Variants in RBM26 observed in about 807,000 individuals in gnomAD.
RBM26 encodes the protein RNA-binding protein 26.
A neutral mutation model predicts 123.6 loss-of-function variants in RBM26; 30 were observed. The observed-to-expected ratio is 0.24, with a 90% confidence interval of 0.18 to 0.33. RBM26 has a LOEUF of 0.33. RBM26 is among the 10% of genes least tolerant of loss of function. The probability of loss-of-function intolerance (pLI) is 1.00; values close to 1 mark genes in which losing one functional copy is unlikely to be tolerated. For missense variants in RBM26, 947 were observed against 1,203.6 expected, an observed-to-expected ratio of 0.79 and a Z score of 3.15; for synonymous variants, 400 against 404.4, an observed-to-expected ratio of 0.99 and a Z score of 0.13.
chr13:79,385,678 T>C (rs2077420457), intron 1 of RBM26, among the ~76,000 whole-genome samples: 1 of 152,212 alleles, frequency 6.6e-6, no homozygotes, highest in African/African-American at 2.4e-5. Context: ...AAATTTAGTT[T>C]AGTTTGATAT....
chr13:79,357,011 C>T (rs1198556751), intron 11 of RBM26, among the ~76,000 whole-genome samples: 1 of 150,090 alleles, frequency 6.7e-6, no homozygotes, highest in East Asian at 2.0e-4. Context: ...TAAATAACCA[C>T]AGGGTAATGT....
chr13:79,328,854 T>TGAA (rs1265686185), intron 20 of RBM26, among the ~76,000 whole-genome samples: 2 of 151,884 alleles, frequency 1.3e-5, no homozygotes, highest in African/African-American at 4.8e-5. Flanking sequence ...AATGAGTTTC[T>TGAA]ATTTCAGTTT....
chr13:79,366,699 G>A lies in RBM26; in HGVS notation c.1069C>T (p.Pro357Ser), dbSNP rs2075302296. ...GGTACTGGGGGCCTGAGATTCACAG[G>A]TGGGGGTGTAAGAATTGGTGGAGGT... The part of the protein sequence containing the change: ...PPPPPILTPP[P>S]VNLRPPVPPP... The change falls in exon 7 of 22, where the codon CCT (proline) becomes TCT (serine). Residue 357 changes from proline to serine, a missense_variant. Coordinates refer to ENST00000438737, the MANE Select transcript of RBM26 (RefSeq NM_001366735.2). 3.1e-6 allele frequency: 5 copies of A among 1,608,830 alleles called. No individual in the cohort carries two copies. Among genetic ancestry groups the A allele is most frequent in the South Asian group, 1.1e-5 (1 of 90,460 alleles).
chr13:79,345,695 C>A (rs958867965), intron 14 of RBM26, among the ~76,000 whole-genome samples: 2 of 152,022 alleles, frequency 1.3e-5, no homozygotes, highest in East Asian at 1.9e-4. Context: ...AAATGCATTC[C>A]AAGAGGGCAG....
intron 5 of RBM26, 126 bp downstream of exon 5, chr13:79,370,819 T>G (rs982496184): frequency 1.9e-6 from 2 of 1,030,932 alleles, no homozygotes; most frequent in Non-Finnish European, 2.8e-6. Flanking sequence ...AAAAGCATTC[T>G]CTTGGACCAC....
downstream of RBM26, chr13:79,314,205 C>T (rs1419866448): frequency 6.6e-6 from 1 of 151,654 alleles, no homozygotes; most frequent in African/African-American, 2.4e-5. Flanking sequence ...CTAGTCTTTA[C>T]CAATGTTAGG....
At chr13:79,348,119 C>A (rs923778554) in intron 14 of RBM26, among the ~76,000 whole-genome samples, 1 of 152,004 alleles carries the variant, frequency 6.6e-6, no homozygotes, top group Non-Finnish European at 1.5e-5. Flanking sequence ...TACTACCTGG[C>A]CATGAATGAT....
intron 1 of RBM26, among the ~76,000 whole-genome samples, chr13:79,380,383 A>G (rs905362005): frequency 2.6e-5 from 4 of 152,056 alleles, no homozygotes; most frequent in African/African-American, 7.2e-5. Flanking sequence ...GTTGGGGGAG[A>G]AGAGAGAAAT....
At chr13:79,314,826 C>T, downstream of RBM26, 1 of 406,542 alleles carries the variant, frequency 2.5e-6, no homozygotes. Flanking sequence ...TCTTAGAGAA[C>T]TGTAGAGATA....
At chr13:79,380,625 T>C (rs2140256828) in intron 1 of RBM26, among the ~76,000 whole-genome samples, 1 of 152,224 alleles carries the variant, frequency 6.6e-6, no homozygotes, top group Non-Finnish European at 1.5e-5. Context: ...ATTTATTTCT[T>C]TGTGTTGGGA....
intron 20 of RBM26, among the ~76,000 whole-genome samples, chr13:79,330,757 A>G (rs1379479604): frequency 6.6e-6 from 1 of 152,198 alleles, no homozygotes; most frequent in Non-Finnish European, 1.5e-5. Flanking sequence ...TTTTAAAAAC[A>G]TGCAAAATCT....
Position 79,371,903 on chromosome 13 carries a change from T to A in RBM26, c.355A>T (p.Lys119Ter), listed in dbSNP as rs779294556. ...CTGTGATTTAGCCTTCTAGAAAACT[T>A]CTTCTCTCGCTCTTCCTCCTTAGTG... ...EITKEEEREK[K>*]FSRRLNHSPP... Residue 119 changes from lysine to a stop codon, truncating the protein, a stop_gained, in exon 4 of 22, where the codon AAG (lysine) becomes TAG (stop). Coordinates refer to ENST00000438737, the MANE Select transcript of RBM26 (RefSeq NM_001366735.2). LOFTEE classifies it high-confidence loss of function. 2.1e-5 allele frequency: 34 copies of A among 1,611,974 alleles called. 1 individual carries two copies. The highest frequency in any genetic ancestry group is 3.3e-5 in the South Asian group (3 of 91,020).
At chr13:79,397,599 G>A (rs1330752591) in intron 1 of RBM26, among the ~76,000 whole-genome samples, 1 of 144,388 alleles carries the variant, frequency 6.9e-6, no homozygotes, top group Admixed American at 7.0e-5. Flanking sequence ...GGAGAATCGC[G>A]TGAACCCGGG....
chr13:79,336,970 A>G (rs1483233486), intron 19 of RBM26, 132 bp downstream of exon 19: 1 of 831,306 alleles, frequency 1.2e-6, no homozygotes, highest in African/African-American at 1.7e-5. Flanking sequence ...CAAAAAAATT[A>G]AAGATTAAAC....
At position 79,400,522 on chromosome 13, in the gene RBM26, A is replaced by G. The variant is rs570608370; in HGVS notation, c.71+5182T>C. ...CACCTCTTAATACTTAACGAAATTA[A>G]ATTTCAACATGAATTCTGGAGAAGA... On this transcript the variant is annotated intron_variant, in intron 1 of 21. Coordinates refer to ENST00000438737, the MANE Select transcript of RBM26 (RefSeq NM_001366735.2). Among the ~76,000 whole-genome samples, 77 of 152,250 alleles carry G rather than the reference A, an allele frequency of 5.1e-4. 1 individual carries two copies. The highest frequency in any genetic ancestry group is 4.3e-4 in the Non-Finnish European group (29 of 68,050).
intron 2 of RBM26, among the ~76,000 whole-genome samples, 169 bp from the exon 3 acceptor site, chr13:79,377,684 T>A (rs1184662785): frequency 2.0e-5 from 3 of 152,126 alleles, no homozygotes; most frequent in Admixed American, 6.6e-5. Context: ...CCCAGCACTT[T>A]GGGAGGCCAA....
downstream of RBM26, among the ~76,000 whole-genome samples, chr13:79,316,120 T>G (rs924815724): frequency 6.6e-6 from 1 of 151,322 alleles, no homozygotes; most frequent in African/African-American, 2.4e-5. Context: ...GACCAAAAAG[T>G]TAACTAAGCC....
At chr13:79,329,756 T>C (rs2069007964) in intron 20 of RBM26, among the ~76,000 whole-genome samples, 1 of 152,178 alleles carries the variant, frequency 6.6e-6, no homozygotes, top group Admixed American at 6.5e-5. Flanking sequence ...TCCTTATTTT[T>C]AAAAAGTAAA....
At position 79,406,059 on chromosome 13, in the gene RBM26, T is replaced by G; in HGVS notation, c.-285A>C. 7 of 231,992 alleles carry G rather than the reference T, an allele frequency of 3.0e-5. No individual in the cohort carries two copies. Among genetic ancestry groups the G allele is most frequent in the Non-Finnish European group, 3.3e-5 (4 of 122,796 alleles). 14.4% of individuals were successfully genotyped at this position (231,992 alleles called of 1,614,324 possible). On this transcript the variant is annotated 5_prime_UTR_variant, in exon 1 of 22. Transcript: ENST00000438737. ...CCCCTTCCCTCTTCCCCAGCAAATCTACCCAGACCGGAAGCGCGACACGCG... is the reference window on the plus strand; with the variant it reads ...CCCCTTCCCTCTTCCCCAGCAAATCGACCCAGACCGGAAGCGCGACACGCG...
Sources: gnomAD v4.1 joint callset for allele counts (sites outside exome capture counted in the v4.1 genomes callset) on GRCh38, gnomAD v4.1.1 for gene constraint, MANE v1.5 for transcripts, NCBI Gene and HGNC (gene_info 2026-07-23, HGNC 2026-07-21) for gene names.